Variants in DLEC1 observed in about 807,000 individuals in gnomAD.
DLEC1 encodes the protein DLEC1 cilia and flagella associated protein, also known as deleted in lung and esophageal cancer protein 1.
DLEC1 carries 146 observed loss-of-function variants against 198.1 expected under a neutral mutation model. The observed-to-expected ratio is 0.74, with a 90% CI of 0.64 to 0.85. The LOEUF is 0.85. Among genes scored for constraint, DLEC1 ranks in the 40% least tolerant of loss-of-function variants. The pLI, the probability that DLEC1 is intolerant of heterozygous loss-of-function variation, is 0.00. For missense variants in DLEC1, 2,233 were observed against 2,220.0 expected (o/e 1.01, Z -0.12); for synonymous variants, 897 against 866.8 (o/e 1.03, Z -0.61).
At chr3:38,084,757 A>G (rs1461588896) in intron 7 of DLEC1, among the ~76,000 whole-genome samples, 2 of 151,576 alleles carry the variant, frequency 1.3e-5, no homozygotes, top group East Asian at 1.9e-4. Context: ...TCCACCAGCA[A>G]TGTGTCCTCA....
chr3:38,097,732 T>C lies in DLEC1; in HGVS notation c.2566-12T>C. On this transcript the variant is annotated splice_polypyrimidine_tract_variant and intron_variant, in intron 17 of 36. Transcript: ENST00000308059. Reference sequence around the variant, plus strand: ...CCAGGTGGCCCAGTGACAGGCCCTCTGGGTGTCTCAGGGGCCTGCCCTCAT... The same window carrying C: ...CCAGGTGGCCCAGTGACAGGCCCTCCGGGTGTCTCAGGGGCCTGCCCTCAT... The C allele has an allele frequency of 6.2e-7, 1 of 1,613,950 alleles. No homozygotes were observed. The highest frequency in any genetic ancestry group is 8.5e-7 in the Non-Finnish European group (1 of 1,179,830).
chr3:38,118,012 G>A lies in DLEC1; in HGVS notation c.4692G>A (p.Gln1564=). 6.2e-7 allele frequency: 1 copy of A among 1,603,420 alleles called. No homozygotes were observed. The highest frequency in any genetic ancestry group is 2.3e-5 in the East Asian group (1 of 44,234). ...ACAAGCAGCTGGTGCTCCAAGCACAGGAGAACATGCTGGTCAGTGGGGGAG... is the reference window on the plus strand; with the variant it reads ...ACAAGCAGCTGGTGCTCCAAGCACAAGAGAACATGCTGGTCAGTGGGGGAG... ...SADKQLVLQA[Q]ENMLVNVSFS... The change falls in exon 33 of 37, where the codon CAG becomes CAA. Residue 1564 remains glutamine (Q), a synonymous_variant. Transcript: ENST00000308059.
In DLEC1 at chr3:38,059,820, C is replaced by T. The variant is rs1696584904; in HGVS notation, c.641C>T (p.Thr214Ile). Residue 214 changes from threonine to isoleucine, a missense_variant, in exon 3 of 37, where the codon ACC becomes ATC. Transcript: ENST00000308059. ...TTGATCTCCCCAGAAGATTACTACACCGATACAGTGCCGTTTCACTCTGCA... is the reference window on the plus strand; with the variant it reads ...TTGATCTCCCCAGAAGATTACTACATCGATACAGTGCCGTTTCACTCTGCA... The part of the protein sequence containing the change: ...HHLISPEDYY[T>I]DTVPFHSAPK... The T allele has an allele frequency of 1.2e-6, 2 of 1,614,218 alleles. No homozygotes were observed. Among genetic ancestry groups the T allele is most frequent in the East Asian group, 4.5e-5 (2 of 44,886 alleles).
chr3:38,113,594 G>A (rs1699996503), intron 25 of DLEC1, among the ~76,000 whole-genome samples: 1 of 152,032 alleles, frequency 6.6e-6, no homozygotes, highest in Admixed American at 6.6e-5. Flanking sequence ...AGGAGGCTGA[G>A]GTGGGAGGAT....
At chr3:38,069,065 C>T (rs1697178828) in intron 6 of DLEC1, among the ~76,000 whole-genome samples, 1 of 152,036 alleles carries the variant, frequency 6.6e-6, no homozygotes, top group Non-Finnish European at 1.5e-5. Context: ...TATTTGGAGA[C>T]ATGGAAATAA....
intron 1 of DLEC1, among the ~76,000 whole-genome samples, chr3:38,044,319 G>A (rs3845952): frequency 0.028 from 4,319 of 152,228 alleles, 78 homozygotes; most frequent in Middle Eastern, 0.058. Flanking sequence ...AGCGCTTTGG[G>A]AGGCTGAGGT....
chr3:38,116,255 C>T (rs774940016), intron 27 of DLEC1, among the ~76,000 whole-genome samples, 198 bp from the exon 28 acceptor site: 14 of 152,190 alleles, frequency 9.2e-5, no homozygotes, highest in Non-Finnish European at 1.6e-4. Flanking sequence ...TAGAGCCAAA[C>T]GGCATAAGCC....
rs752886263 is a variant in DLEC1 at position 38,097,729 on chromosome 3, C to G, written c.2566-15C>G. 1.2e-6 allele frequency: 2 copies of G among 1,613,922 alleles called. No homozygotes were observed. The highest frequency in any genetic ancestry group is 1.7e-5 in the Admixed American group (1 of 60,022). ...TCCCCAGGTGGCCCAGTGACAGGCC[C>G]TCTGGGTGTCTCAGGGGCCTGCCCT... On this transcript the variant is annotated splice_polypyrimidine_tract_variant and intron_variant, in intron 17 of 36. Coordinates refer to ENST00000308059, the MANE Select transcript of DLEC1 (RefSeq NM_007335.4).
At chr3:38,084,928 G>A (rs1474486992) in intron 7 of DLEC1, among the ~76,000 whole-genome samples, 1 of 152,068 alleles carries the variant, frequency 6.6e-6, no homozygotes, top group Non-Finnish European at 1.5e-5. Flanking sequence ...TAGTGTCACA[G>A]TATTTGTCTT....
At chr3:38,058,697 G>T (rs925666900) in intron 2 of DLEC1, among the ~76,000 whole-genome samples, 1 of 152,064 alleles carries the variant, frequency 6.6e-6, no homozygotes, top group Non-Finnish European at 1.5e-5. Flanking sequence ...ACACCACCAA[G>T]AGTGACCTGT....
At chr3:38,118,891 G>A (rs1430522143) in intron 33 of DLEC1, among the ~76,000 whole-genome samples, 1 of 152,160 alleles carries the variant, frequency 6.6e-6, no homozygotes, top group East Asian at 1.9e-4. Context: ...GCGAGGGCCT[G>A]CTGTGTACTA....
intron 6 of DLEC1, among the ~76,000 whole-genome samples, chr3:38,070,485 A>G (rs1025544261): frequency 2.6e-5 from 4 of 152,216 alleles, no homozygotes; most frequent in African/African-American, 4.8e-5. Context: ...ATTTTAAACA[A>G]TAGGTCAGTT....
intron 6 of DLEC1, among the ~76,000 whole-genome samples, chr3:38,078,715 G>A (rs576105183): frequency 6.6e-6 from 1 of 152,308 alleles, no homozygotes; most frequent in East Asian, 1.9e-4. Context: ...AGCAAAGAGA[G>A]GCTGGGATGA....
intron 6 of DLEC1, among the ~76,000 whole-genome samples, chr3:38,073,163 A>G (rs1201877398): frequency 1.3e-5 from 2 of 152,234 alleles, no homozygotes; most frequent in Non-Finnish European, 1.5e-5. Flanking sequence ...GATCGAGAAC[A>G]GAACACTGAG....
At chr3:38,042,901 G>A (rs772969117) in intron 1 of DLEC1, among the ~76,000 whole-genome samples, 6 of 151,792 alleles carry the variant, frequency 4.0e-5, no homozygotes, top group Non-Finnish European at 7.4e-5. Flanking sequence ...TTCCTTTTTC[G>A]TCATCTGTTC....
Position 38,121,668 on chromosome 3 carries a change from A to T in DLEC1, c.4907A>T (p.Gln1636Leu). 1 of 1,614,028 alleles carries T rather than the reference A, an allele frequency of 6.2e-7. No homozygotes were observed. The change falls in exon 35 of 37, where the codon CAG becomes CTG. Residue 1636 changes from glutamine (Q) to leucine (L), a missense_variant. By Grantham distance (113) the Gln-to-Leu change is moderately radical. Transcript: ENST00000308059. ...GCTGTGGTGGCCGTGCCTGAGCTGC[A>T]GCTCTCCACCAGCTGGGTGGACTTT... ...LRAVVAVPEL[Q>L]LSTSWVDFGT... is the part of the protein sequence containing the mutation.
Position 38,117,793 on chromosome 3 carries a change from TG to T in DLEC1, c.4486-12del. ...AGATGCATTCCCTGCCTCCTACCTC[TG>T]TGGCTGCCCAGGTGCTGAGTGAGCT... On this transcript the variant is annotated splice_polypyrimidine_tract_variant and intron_variant, in intron 32 of 36. Transcript: ENST00000308059. 6.7e-7 allele frequency: 1 copy of T among 1,491,028 alleles called. No individual in the cohort carries two copies. Among genetic ancestry groups the T allele is most frequent in the Non-Finnish European group, 9.1e-7 (1 of 1,101,056 alleles). The allele number at this position is 1,491,028 out of a possible 1,614,324, so 92.4% of individuals were successfully genotyped here. A position where few individuals can be genotyped will look rare whatever the true frequency, so the allele number is the denominator to read the frequency against.
rs888969434 is a variant in DLEC1 at position 38,044,284 on chromosome 3, C to T, written c.412-1259C>T. ...AATAAGAAAGGAAAATAAGACTGGG[C>T]GCAGTGGCTCATAACTGCAATCCCA... On this transcript the variant is annotated intron_variant, in intron 1 of 36. Transcript: ENST00000308059. Among the ~76,000 whole-genome samples the T allele has an allele frequency of 3.9e-5, 6 of 152,004 alleles. No individual in the cohort carries two copies. In the South Asian group the frequency reaches 6.2e-4, roughly 16 times the overall value.
chr3:38,121,532 G>A (rs1700460097), intron 34 of DLEC1, 96 bp from the exon 35 acceptor site: 4 of 1,471,462 alleles, frequency 2.7e-6, no homozygotes, highest in Non-Finnish European at 3.6e-6. Context: ...TTTTCTTCAG[G>A]AGCATCAGCA....
Sources: gnomAD v4.1 joint callset for allele counts (sites outside exome capture counted in the v4.1 genomes callset) on GRCh38, gnomAD v4.1.1 for gene constraint, MANE v1.5 for transcripts, NCBI Gene and HGNC (gene_info 2026-07-23, HGNC 2026-07-21) for gene names.